The following MEGF10 variants were observed in gnomAD, a reference collection of about 807,000 sequenced individuals.
The protein encoded by MEGF10 is multiple EGF like domains 10.
MEGF10 carries 86 observed loss-of-function variants against 147.5 expected under a neutral mutation model. That is an observed-to-expected ratio of 0.58 (90% CI 0.49 to 0.70). MEGF10 has a LOEUF of 0.70. Ranked by LOEUF, MEGF10 falls within the 30% of genes least tolerant of loss-of-function variation. MEGF10 has a pLI of 0.00. For missense variants in MEGF10, 1,329 were observed against 1,487.3 expected (o/e 0.89, Z 1.75); for synonymous variants, 478 against 525.5 (o/e 0.91, Z 1.24).
At chr5:127,263,301 G>A in the MEGF10 span, among the ~76,000 whole-genome samples, 1 of 102,970 alleles carries the variant, frequency 9.7e-6, no homozygotes, top group Non-Finnish European at 2.0e-5. Flanking sequence ...AAGGAAGAGG[G>A]ATTCTCGGGG....
Position 127,396,408 on chromosome 5 carries a change from C to T in MEGF10, c.413-124C>T, listed in dbSNP as rs200742873. ...TGTGAAGCATTGCCATGGGTTGGGGCCAGGGCCCTGATGTCCAGCTAATGA... is the reference window on the plus strand; with the variant it reads ...TGTGAAGCATTGCCATGGGTTGGGGTCAGGGCCCTGATGTCCAGCTAATGA... On this transcript the variant is annotated intron_variant, in intron 5 of 24. Transcript: ENST00000503335. 4.5e-5 allele frequency: 53 copies of T among 1,175,300 alleles called. No individual in the cohort carries two copies. The East Asian group carries it at 1.3e-3, about 30-fold the overall frequency. 72.8% of individuals were successfully genotyped at this position (1,175,300 alleles called of 1,614,324 possible). A position where few individuals can be genotyped will look rare whatever the true frequency, so the allele number is the denominator to read the frequency against.
intron 4 of MEGF10, among the ~76,000 whole-genome samples, chr5:127,354,589 C>G (rs752556881): frequency 6.6e-6 from 1 of 152,120 alleles, no homozygotes; most frequent in African/African-American, 2.4e-5. Context: ...CCGAGTGCGC[C>G]TCATTTGCCA....
At chr5:127,416,036 G>GTTTTTGT (rs869289273) in intron 9 of MEGF10, among the ~76,000 whole-genome samples, 36 of 145,020 alleles carry the variant, frequency 2.5e-4, no homozygotes, top group Middle Eastern at 3.5e-3. Flanking sequence ...TTTGTTTTTG[G>GTTTTTGT]TTTTGTTTTT....
At position 127,449,088 on chromosome 5, in the gene MEGF10, AT is replaced by A. The variant is rs756029324; in HGVS notation, c.2857-6del. On this transcript the variant is annotated splice_polypyrimidine_tract_variant and intron_variant, in intron 21 of 24. Transcript: ENST00000503335. ...TTGTTTTTAATCTTTCGTTGTTTAT[AT>A]TTTTAACAGTCAAAAAACAATCAAC... 1.4e-5 allele frequency: 22 copies of A among 1,613,720 alleles called. No individual in the cohort carries two copies. The highest frequency in any genetic ancestry group is 1.7e-5 in the Non-Finnish European group (20 of 1,179,924).
the MEGF10 span, chr5:127,229,476 CTGGCGGAGGGAGGAGCG>C: frequency 6.6e-6 from 1 of 152,020 alleles, no homozygotes; most frequent in African/African-American, 2.4e-5. Context: ...CCGGGCAGGC[CTGGCGGAGGGAGGAGCG>C]AGGCCTGCCT....
intron 9 of MEGF10, 48 bp downstream of exon 9, chr5:127,410,649 C>T: frequency 2.0e-6 from 3 of 1,501,066 alleles, no homozygotes; most frequent in Non-Finnish European, 2.7e-6. Flanking sequence ...AAAGTTTTAA[C>T]CTTGGTTTTC....
chr5:127,308,770 G>A (rs1347126971), intron 1 of MEGF10, among the ~76,000 whole-genome samples: 1 of 151,790 alleles, frequency 6.6e-6, no homozygotes, highest in East Asian at 1.9e-4. Flanking sequence ...GTTAAATGAC[G>A]AGTTAATGGG....
Position 127,449,157 on chromosome 5 carries a change from C to T in MEGF10, c.2915C>T (p.Pro972Leu), listed in dbSNP as rs1766059227. 1 of 1,614,110 alleles carries T rather than the reference C, an allele frequency of 6.2e-7. No individual in the cohort carries two copies. Among genetic ancestry groups the T allele is most frequent in the African/African-American group, 1.3e-5 (1 of 75,040 alleles). The change falls in exon 22 of 25, where the codon CCT becomes CTT. Residue 972 changes from proline to leucine, a missense_variant. Pro to Leu is a moderately conservative substitution (Grantham distance 98). This residue lies in a region of MEGF10 where 343 missense variants were observed against 377.9 expected (regional missense o/e 0.91). Coordinates refer to ENST00000503335, the MANE Select transcript of MEGF10 (RefSeq NM_001256545.2). Reference protein sequence around the residue: ...LKNVNPGKRGPVGDCTGTLPA... With the variant: ...LKNVNPGKRGLVGDCTGTLPA... ...AATGTGAACCCTGGGAAGAGAGGCC[C>T]TGTGGGGGACTGCACTGGGACATTG...
At chr5:127,445,911 G>T (rs891437813) in intron 20 of MEGF10, among the ~76,000 whole-genome samples, 3 of 152,148 alleles carry the variant, frequency 2.0e-5, no homozygotes, top group Non-Finnish European at 2.9e-5. Context: ...TTTTAAAATT[G>T]AGCTCATTGT....
At chr5:127,445,823 G>A (rs1765924988) in intron 20 of MEGF10, 130 bp downstream of exon 20, 4 of 726,546 alleles carry the variant, frequency 5.5e-6, no homozygotes, top group South Asian at 3.3e-5. Flanking sequence ...TTCTATGTTT[G>A]GAAAAGGTAT....
intron 4 of MEGF10, among the ~76,000 whole-genome samples, chr5:127,347,163 G>C (rs1365565718): frequency 1.3e-5 from 2 of 152,106 alleles, no homozygotes; most frequent in Middle Eastern, 3.4e-3. Flanking sequence ...GAAATCCTCA[G>C]AGAAATGAAA....
rs1766545749 is a variant in MEGF10, at chr5:127,461,166, T to A, written c.*3848T>A. 6.6e-6 allele frequency: 1 copy of A among 152,220 alleles called. No homozygotes were observed. The highest frequency in any genetic ancestry group is 2.1e-4 in the South Asian group (1 of 4,830). The allele number at this position is 152,220 out of a possible 1,614,324, so 9.4% of individuals were successfully genotyped here. ...CTTTCATCGTTCTTAGCCTACATTG[T>A]CATTTATATCACCAAATGAGTTTAT... On this transcript the variant is annotated 3_prime_UTR_variant, in exon 25 of 25. Transcript: ENST00000503335.
At chr5:127,450,699 T>G (rs1766121860) in intron 22 of MEGF10, among the ~76,000 whole-genome samples, 8 of 152,152 alleles carry the variant, frequency 5.3e-5, no homozygotes, top group Admixed American at 4.6e-4. Context: ...TTCTTTTAAA[T>G]TTTAATATAA....
At position 127,457,505 on chromosome 5, in the gene MEGF10, G is replaced by A. The variant is rs1471426891; in HGVS notation, c.*187G>A. 3.0e-5 allele frequency: 18 copies of A among 604,184 alleles called. No homozygotes were observed. The highest frequency in any genetic ancestry group is 8.7e-5 in the South Asian group (4 of 45,794). The allele number at this position is 604,184 out of a possible 1,614,324, so 37.4% of individuals were successfully genotyped here. On this transcript the variant is annotated 3_prime_UTR_variant, in exon 25 of 25. Transcript: ENST00000503335. ...AGGTGCTTTTTGTTCAGGTGGATTC[G>A]AAGGAGTTAGAGATGTGATTTCCCA...
At chr5:127,375,587 G>A (rs1762995372) in intron 5 of MEGF10, among the ~76,000 whole-genome samples, 2 of 152,160 alleles carry the variant, frequency 1.3e-5, no homozygotes. Flanking sequence ...TAGCTTTTAT[G>A]AGTGAATGAC....
In MEGF10 at chr5:127,457,135, A is replaced by G. The variant is rs766516114; in HGVS notation, c.3240A>G (p.Thr1080=). ...TGTCCTTGGTTATCACAGAACCTAC[A>G]GTGAGTGTTGTCCAAGGAGTATTCA... ...ANRNVYEVEP[T]VSVVQGVFSN... Residue 1080 remains threonine (T), a synonymous_variant, in exon 25 of 25, where the codon ACA becomes ACG. Coordinates refer to ENST00000503335, the MANE Select transcript of MEGF10 (RefSeq NM_001256545.2). 6.2e-7 allele frequency: 1 copy of G among 1,611,654 alleles called. No individual in the cohort carries two copies. The highest frequency in any genetic ancestry group is 8.5e-7 in the Non-Finnish European group (1 of 1,179,110).
intron 4 of MEGF10, among the ~76,000 whole-genome samples, chr5:127,352,913 CCAG>C (rs766639781): frequency 4.1e-4 from 63 of 152,142 alleles, no homozygotes; most frequent in East Asian, 3.7e-3. Flanking sequence ...ATGGATGTGC[CCAG>C]CAGCAGCAGC....
chr5:127,333,303 G>A (rs1761339985), intron 2 of MEGF10, among the ~76,000 whole-genome samples: 1 of 151,986 alleles, frequency 6.6e-6, no homozygotes, highest in Non-Finnish European at 1.5e-5. Context: ...ATCACTTGAG[G>A]CCAGGATTTT....
intron 5 of MEGF10, among the ~76,000 whole-genome samples, chr5:127,383,199 G>A (rs2126888970): frequency 6.6e-6 from 1 of 152,266 alleles, no homozygotes; most frequent in South Asian, 2.1e-4. Context: ...AAATATCTGT[G>A]TATATGGGAA....
Sources: gnomAD v4.1 joint callset for allele counts (sites outside exome capture counted in the v4.1 genomes callset) on GRCh38, gnomAD v4.1.1 for gene constraint, gnomAD v4.1.1 regional missense constraint, MANE v1.5 for transcripts, NCBI Gene and HGNC (gene_info 2026-07-23, HGNC 2026-07-21) for gene names.